MUCL1: variants seen among roughly 807,000 people sequenced by gnomAD.
The protein encoded by MUCL1 is mucin like 1.
MUCL1 carries 11 observed loss-of-function variants against 9.2 expected under a neutral mutation model. The observed-to-expected ratio is 1.19, with a 90% CI of 0.75 to 1.97. The LOEUF (loss-of-function observed/expected upper bound fraction) is 1.97, where lower values mean the gene tolerates loss of function less well. MUCL1 is among the 30% of genes most tolerant of loss of function. The pLI is 0.00. For missense variants in MUCL1, 144 were observed against 110.9 expected, an observed-to-expected ratio of 1.30 and a Z score of -1.34; for synonymous variants, 48 against 40.5, an observed-to-expected ratio of 1.19 and a Z score of -0.71.
intron 1 of MUCL1, among the ~76,000 whole-genome samples, chr12:54,840,747 A>C (rs1446277586): frequency 6.6e-6 from 1 of 152,180 alleles, no homozygotes; most frequent in Non-Finnish European, 1.5e-5. Context: ...ATAATGTTCC[A>C]GGGAGGAGCA....
At chr12:54,831,826 A>G (rs566326230) in intron 1 of MUCL1, among the ~76,000 whole-genome samples, 1 of 152,178 alleles carries the variant, frequency 6.6e-6, no homozygotes, top group South Asian at 2.1e-4. Context: ...TGGTATATTC[A>G]TCACTTTTGC....
upstream of MUCL1, among the ~76,000 whole-genome samples, chr12:54,850,693 T>C (rs1179387607): frequency 6.6e-6 from 1 of 152,204 alleles, no homozygotes; most frequent in African/African-American, 2.4e-5. Context: ...GATGGCTGGG[T>C]CAAATGGTAT....
intron 1 of MUCL1, among the ~76,000 whole-genome samples, chr12:54,842,259 G>C (rs1378074): frequency 6.6e-6 from 1 of 151,492 alleles, no homozygotes; most frequent in Non-Finnish European, 1.5e-5. Context: ...AAATTACATC[G>C]TTAAAAATTC....
chr12:54,852,955 G>A (rs1868266341), upstream of MUCL1, among the ~76,000 whole-genome samples: 1 of 152,050 alleles, frequency 6.6e-6, no homozygotes. Context: ...CCTCATGGAA[G>A]ATATGAGTTT....
At chr12:54,854,745 C>A in intron 1 of MUCL1, 105 bp downstream of exon 1, 1 of 968,828 alleles carries the variant, frequency 1.0e-6, no homozygotes, top group Non-Finnish European at 1.6e-6. Flanking sequence ...TTTTTTACCT[C>A]TCCTAACTTG....
Position 54,858,367 on chromosome 12 carries a change from A to G in MUCL1, c.*125A>G, listed in dbSNP as rs1042008202. On this transcript the variant is annotated 3_prime_UTR_variant, in exon 4 of 4. Transcript: ENST00000308796. ...CTAATCAGTTTATTTTCTTTCAAATAAAAAATAACTATGAGCAACATAAAA... is the reference window on the plus strand; with the variant it reads ...CTAATCAGTTTATTTTCTTTCAAATGAAAAATAACTATGAGCAACATAAAA... 69 of 1,225,204 alleles carry G rather than the reference A, an allele frequency of 5.6e-5. No homozygotes were observed. The highest frequency in any genetic ancestry group is 7.7e-5 in the Admixed American group (4 of 51,922). 75.9% of individuals were successfully genotyped at this position (1,225,204 alleles called of 1,614,324 possible).
intron 3 of MUCL1, 70 bp downstream of exon 3, chr12:54,856,962 C>T (rs1868305790): frequency 6.2e-7 from 1 of 1,601,080 alleles, no homozygotes; most frequent in South Asian, 1.1e-5. Flanking sequence ...TCTATTCTCA[C>T]AGAGACTCTA....
At chr12:54,857,310 C>A (rs979696201) in intron 3 of MUCL1, among the ~76,000 whole-genome samples, 1 of 149,900 alleles carries the variant, frequency 6.7e-6, no homozygotes, top group Non-Finnish European at 1.5e-5. Context: ...CAAGTAAAAT[C>A]TTTGTTTCCT....
At chr12:54,844,615 T>A (rs1959233078) in intron 1 of MUCL1, among the ~76,000 whole-genome samples, 1 of 152,156 alleles carries the variant, frequency 6.6e-6, no homozygotes, top group Non-Finnish European at 1.5e-5. Flanking sequence ...TTAGGTATAT[T>A]TTTATGTCTT....
intron 1 of MUCL1, among the ~76,000 whole-genome samples, chr12:54,843,958 C>T (rs1959228109): frequency 6.6e-6 from 1 of 152,080 alleles, no homozygotes; most frequent in East Asian, 1.9e-4. Context: ...ATCTTGCATT[C>T]TTGAAATAAA....
intron 1 of MUCL1, among the ~76,000 whole-genome samples, chr12:54,832,176 A>G (rs1047569748): frequency 1.3e-5 from 2 of 152,118 alleles, no homozygotes; most frequent in Non-Finnish European, 2.9e-5. Context: ...AATGAAATTT[A>G]TGTGTAGTCA....
At chr12:54,838,009 A>G (rs1378075), upstream of MUCL1, among the ~76,000 whole-genome samples, 54,306 of 152,022 alleles carry the variant, frequency 0.36, 11,616 homozygotes, top group East Asian at 0.83. Context: ...TCTTCATTGC[A>G]TTATTGTTTT....
At chr12:54,842,142 C>A (rs1321704903) in intron 1 of MUCL1, among the ~76,000 whole-genome samples, 1 of 151,960 alleles carries the variant, frequency 6.6e-6, no homozygotes, top group African/African-American at 2.4e-5. Flanking sequence ...ATTGAGTTTT[C>A]CTGTTCATTT....
chr12:54,853,969 C>A (rs763131821), upstream of MUCL1, among the ~76,000 whole-genome samples: 1 of 152,130 alleles, frequency 6.6e-6, no homozygotes, highest in South Asian at 2.1e-4. Flanking sequence ...GGTCATAGTT[C>A]GTTCTTTAGA....
In MUCL1 at chr12:54,855,199, A is replaced by AT. The variant is rs1262632985; in HGVS notation, c.100+47dup. 3.2e-6 allele frequency: 5 copies of AT among 1,583,222 alleles called. No individual in the cohort carries two copies. In the South Asian group the frequency reaches 3.3e-5, roughly 11 times the overall value. ...ATGTCATCTCTTTCCAGCAATAACC[A>AT]TTTTTCACTTCCAGCCTCATGTCAA... is the stretch of plus-strand genomic sequence containing the variant. On this transcript the variant is annotated intron_variant, in intron 2 of 3. Coordinates refer to ENST00000308796, the MANE Select transcript of MUCL1 (RefSeq NM_058173.3).
intron 1 of MUCL1, among the ~76,000 whole-genome samples, chr12:54,840,816 T>C (rs1418710533): frequency 6.6e-6 from 1 of 152,052 alleles, no homozygotes; most frequent in Non-Finnish European, 1.5e-5. Context: ...CAGGTGGCAG[T>C]AAACCCCACC....
rs779446904 is a variant in MUCL1, at chr12:54,858,253, G to A, written c.*11G>A. 1.2e-6 allele frequency: 2 copies of A among 1,613,396 alleles called. No individual in the cohort carries two copies. Among genetic ancestry groups the A allele is most frequent in the Admixed American group, 3.3e-5 (2 of 59,938 alleles). ...AGAGTGTGTCCCTGAGATGGAATCA[G>A]CTTGAGTCTTCTGCAATTGGTCACA... On this transcript the variant is annotated 3_prime_UTR_variant, in exon 4 of 4. Transcript: ENST00000308796.
At chr12:54,846,317 G>GC (rs1176061666) in intron 1 of MUCL1, among the ~76,000 whole-genome samples, 1 of 152,168 alleles carries the variant, frequency 6.6e-6, no homozygotes, top group Non-Finnish European at 1.5e-5. Context: ...GCTCCCCATG[G>GC]CCTCTGCACC....
chr12:54,843,288 A>AT (rs940428333), intron 1 of MUCL1, among the ~76,000 whole-genome samples: 1 of 152,180 alleles, frequency 6.6e-6, no homozygotes, highest in African/African-American at 2.4e-5. Flanking sequence ...ATACTTTTCT[A>AT]TTTATATTTT....
Sources: gnomAD v4.1 joint callset for allele counts (sites outside exome capture counted in the v4.1 genomes callset) on GRCh38, gnomAD v4.1.1 for gene constraint, MANE v1.5 for transcripts, NCBI Gene and HGNC (gene_info 2026-07-23, HGNC 2026-07-21) for gene names.